Variants in UTRN observed in about 807,000 individuals in gnomAD.
UTRN encodes the protein utrophin.
Under a neutral mutation model 463.9 loss-of-function variants are expected in UTRN, and 283 were observed. The observed-to-expected ratio is 0.61, with a 90% CI of 0.55 to 0.67. The LOEUF (loss-of-function observed/expected upper bound fraction) is 0.67, where lower values mean the gene tolerates loss of function less well. Ranked by LOEUF, UTRN falls within the 30% of genes least tolerant of loss-of-function variation. The pLI is 0.00. For synonymous variants in UTRN, 1,442 were observed against 1,431.5 expected, an observed-to-expected ratio of 1.01 and a Z score of -0.17; for missense variants, 3,922 against 4,084.3, an observed-to-expected ratio of 0.96 and a Z score of 1.08.
chr6:144,677,450 CT>C (rs1380186715), intron 51 of UTRN, among the ~76,000 whole-genome samples: 1 of 151,990 alleles, frequency 6.6e-6, no homozygotes, highest in Non-Finnish European at 1.5e-5. Flanking sequence ...TGAACTCATT[CT>C]TTTTTATGGC....
At chr6:144,821,070 G>A (rs1254262475) in intron 66 of UTRN, 52 bp downstream of exon 66, 19 of 1,572,778 alleles carry the variant, frequency 1.2e-5, no homozygotes, top group Non-Finnish European at 1.6e-5. Flanking sequence ...ATCTGATGTT[G>A]TCTTTTTTAT....
intron 65 of UTRN, among the ~76,000 whole-genome samples, chr6:144,816,457 T>C (rs776658363): frequency 2.0e-5 from 3 of 148,762 alleles, no homozygotes; most frequent in Non-Finnish European, 4.4e-5. Context: ...TTCTGACTGA[T>C]AATATTTCAT....
intron 58 of UTRN, among the ~76,000 whole-genome samples, chr6:144,768,000 TTTCATGGAAA>T (rs1206070092): frequency 2.0e-5 from 3 of 152,230 alleles, no homozygotes; most frequent in Admixed American, 1.3e-4. Context: ...TCCTTTAAGG[TTTCATGGAAA>T]AATATGAGAC....
intron 54 of UTRN, among the ~76,000 whole-genome samples, chr6:144,734,580 C>G (rs905819249): frequency 2.0e-5 from 3 of 152,146 alleles, no homozygotes; most frequent in African/African-American, 7.2e-5. Context: ...GCTCTTGGCT[C>G]CTTTGTCCTT....
At chr6:144,405,981 T>C (rs1055441068) in intron 3 of UTRN, among the ~76,000 whole-genome samples, 4 of 152,248 alleles carry the variant, frequency 2.6e-5, no homozygotes, top group Admixed American at 1.3e-4. Context: ...ACTAGGTAAG[T>C]TGTGGAAAAT....
chr6:144,773,461 A>G (rs1794306549), intron 59 of UTRN, among the ~76,000 whole-genome samples: 1 of 152,140 alleles, frequency 6.6e-6, no homozygotes, highest in Non-Finnish European at 1.5e-5. Flanking sequence ...AAAGGGCTGA[A>G]AGGGGTGGTA....
At chr6:144,590,195 T>C (rs1375473021) in intron 51 of UTRN, among the ~76,000 whole-genome samples, 3 of 152,174 alleles carry the variant, frequency 2.0e-5, no homozygotes, top group African/African-American at 7.2e-5. Flanking sequence ...AAATATATTC[T>C]TTTCAAAACT....
intron 59 of UTRN, among the ~76,000 whole-genome samples, chr6:144,773,713 T>TTCCA (rs1157706959): frequency 6.6e-6 from 1 of 152,174 alleles, no homozygotes; most frequent in Non-Finnish European, 1.5e-5. Flanking sequence ...GAGAAGGGAA[T>TTCCA]TCCAGCAAGG....
chr6:144,709,321 G>A (rs1785422320), intron 53 of UTRN, among the ~76,000 whole-genome samples: 1 of 152,052 alleles, frequency 6.6e-6, no homozygotes, highest in Non-Finnish European at 1.5e-5. Context: ...AAATAAAGTT[G>A]CTTCTCTTTT....
intron 52 of UTRN, among the ~76,000 whole-genome samples, chr6:144,696,997 A>C (rs1311338746): frequency 6.6e-6 from 1 of 152,172 alleles, no homozygotes; most frequent in East Asian, 1.9e-4. Context: ...TAAATGATGA[A>C]GTACCATTTT....
intron 51 of UTRN, among the ~76,000 whole-genome samples, chr6:144,599,776 CTTCTT>C (rs368122425): frequency 0.01 from 1,566 of 152,258 alleles, 28 homozygotes; most frequent in African/African-American, 0.036. Context: ...TCATTTCACT[CTTCTT>C]TTCTGTGTGT....
intron 51 of UTRN, among the ~76,000 whole-genome samples, chr6:144,636,461 C>T (rs1213262822): frequency 2.0e-5 from 3 of 151,946 alleles, no homozygotes; most frequent in South Asian, 2.1e-4. Context: ...GGTTGATAGG[C>T]GCAGCAAACC....
At chr6:144,470,601 C>A (rs895932338) in intron 23 of UTRN, among the ~76,000 whole-genome samples, 1 of 151,480 alleles carries the variant, frequency 6.6e-6, no homozygotes, top group Non-Finnish European at 1.5e-5. Context: ...CGGGCAGAGA[C>A]GCTCCTCACT....
chr6:144,600,821 AGAG>A lies in UTRN; in HGVS notation c.7479+23537_7479+23539del, dbSNP rs552260141. 3.9e-5 allele frequency among the ~76,000 whole-genome samples: 6 copies of A among 152,340 alleles called. No homozygotes were observed. The East Asian group carries it at 9.6e-4, about 24-fold the overall frequency. ...TGTCATCTGGCACTTTCATAGCTAG[AGAG>A]GAGAAGTCAGTGCTTAACTTCGAAG... On this transcript the variant is annotated intron_variant, in intron 51 of 74. Transcript: ENST00000367545.
At chr6:144,393,213 T>G (rs533427834) in intron 2 of UTRN, among the ~76,000 whole-genome samples, 1 of 152,188 alleles carries the variant, frequency 6.6e-6, no homozygotes, top group East Asian at 1.9e-4. Context: ...GGACTAGTTT[T>G]GCCAATTAGG....
At chr6:144,330,052 A>G (rs1043745245) in intron 2 of UTRN, among the ~76,000 whole-genome samples, 2 of 152,244 alleles carry the variant, frequency 1.3e-5, no homozygotes, top group Admixed American at 6.5e-5. Flanking sequence ...CAGTGCTGTC[A>G]TGGCAAATCA....
intron 51 of UTRN, among the ~76,000 whole-genome samples, chr6:144,604,844 G>A (rs532520499): frequency 1.4e-4 from 22 of 152,222 alleles, no homozygotes; most frequent in Admixed American, 2.6e-4. Context: ...GAACGCGGGA[G>A]GCAGAGGTTG....
chr6:144,676,526 TG>T (rs199757337), intron 51 of UTRN, among the ~76,000 whole-genome samples: 30 of 151,546 alleles, frequency 2.0e-4, no homozygotes, highest in South Asian at 6.2e-4. Context: ...GTTAAAAGTT[TG>T]TTTTTTTTTT....
In UTRN at chr6:144,437,655, G is replaced by C. The variant is rs1450371551; in HGVS notation, c.1150G>C (p.Asp384His). The C allele has an allele frequency of 1.9e-6, 3 of 1,614,190 alleles. No homozygotes were observed. Among genetic ancestry groups the C allele is most frequent in the South Asian group, 2.2e-5 (2 of 91,084 alleles). Reference protein sequence around the residue: ...NQLITQGTLSDEEEFEIQEQM... With the variant: ...NQLITQGTLSHEEEFEIQEQM... Reference sequence around the variant, plus strand: ...ACTGATAACACAAGGAACTCTGTCAGACGAAGAAGAATTTGAGATTCAGGA... The same window carrying C: ...ACTGATAACACAAGGAACTCTGTCACACGAAGAAGAATTTGAGATTCAGGA... The change falls in exon 11 of 75, where the codon GAC becomes CAC. Residue 384 changes from aspartate (D) to histidine (H), a missense_variant. Asp to His is a moderately conservative substitution (Grantham distance 81, BLOSUM62 -1). Transcript: ENST00000367545.
Sources: allele counts gnomAD v4.1 joint callset (sites outside exome capture counted in the v4.1 genomes callset), GRCh38; gene constraint gnomAD v4.1.1; transcripts MANE v1.5; gene names NCBI Gene and HGNC (gene_info 2026-07-23, HGNC 2026-07-21).